Variants in RGS7 observed in about 807,000 individuals in gnomAD.
RGS7 encodes regulator of G protein signaling 7, also known as regulator of G-protein signaling 7.
A neutral mutation model predicts 81.1 loss-of-function variants in RGS7; 27 were observed. The observed-to-expected ratio is 0.33, with a 90% CI of 0.25 to 0.46. The LOEUF is 0.46. Among genes scored for constraint, RGS7 ranks in the 20% least tolerant of loss-of-function variants. The pLI, the probability that RGS7 is intolerant of heterozygous loss-of-function variation, is 1.00. For synonymous variants in RGS7, 208 were observed against 207.7 expected, an observed-to-expected ratio of 1.00 and a Z score of -0.01; for missense variants, 396 against 607.4, an observed-to-expected ratio of 0.65 and a Z score of 3.66.
chr1:241,204,554 A>G (rs1467814979), intron 2 of RGS7, among the ~76,000 whole-genome samples: 1 of 152,242 alleles, frequency 6.6e-6, no homozygotes, highest in Non-Finnish European at 1.5e-5. Context: ...AATAATTGTG[A>G]TATCTGCCAA....
intron 18 of RGS7, among the ~76,000 whole-genome samples, chr1:240,800,159 G>A (rs1000218400): frequency 2.0e-5 from 3 of 152,118 alleles, no homozygotes; most frequent in African/African-American, 4.8e-5. Context: ...GCAAAATCTT[G>A]GAGAATTGTT....
At chr1:241,234,016 C>T (rs1180375993) in intron 2 of RGS7, among the ~76,000 whole-genome samples, 2 of 152,094 alleles carry the variant, frequency 1.3e-5, no homozygotes, top group South Asian at 2.1e-4. Context: ...TTCGACAGTA[C>T]CCTGCAACCT....
intron 3 of RGS7, among the ~76,000 whole-genome samples, chr1:241,049,178 T>G (rs559601722): frequency 6.6e-6 from 1 of 152,024 alleles, no homozygotes; most frequent in South Asian, 2.1e-4. Context: ...ATATCTTTTT[T>G]GGGGACCAGT....
chr1:241,351,629 G>A (rs977607029), intron 2 of RGS7, among the ~76,000 whole-genome samples: 1 of 152,034 alleles, frequency 6.6e-6, no homozygotes, highest in Non-Finnish European at 1.5e-5. Context: ...TCAACTTTAA[G>A]TCAGGTTTGA....
Position 240,997,704 on chromosome 1 carries a change from A to G in RGS7, c.176-14575T>C, listed in dbSNP as rs185094795. ...GTCGAGAAGGGGGCACATGCCTGTA[A>G]TCCCAGCTACTCAGGAGGCTGAGGC... On this transcript the variant is annotated intron_variant, in intron 3 of 18. Transcript: ENST00000440928. Among the ~76,000 whole-genome samples the G allele has an allele frequency of 3.3e-5, 5 of 152,262 alleles. No homozygotes were observed. The East Asian group carries it at 9.7e-4, about 29-fold the overall frequency.
intron 2 of RGS7, among the ~76,000 whole-genome samples, chr1:241,284,791 C>T (rs1247118404): frequency 1.3e-5 from 2 of 152,182 alleles, no homozygotes; most frequent in African/African-American, 4.8e-5. Flanking sequence ...GGGAGTGATG[C>T]TACAGTTTTT....
intron 2 of RGS7, among the ~76,000 whole-genome samples, chr1:241,121,949 C>T (rs1206732300): frequency 6.6e-6 from 1 of 152,106 alleles, no homozygotes; most frequent in East Asian, 1.9e-4. Context: ...CGCATTTCTC[C>T]CGTCTTAGCC....
rs556177421 is a variant in RGS7, at chr1:240,958,038, CA to C, written c.227-21333del. Among the ~76,000 whole-genome samples, 7 of 152,238 alleles carry C rather than the reference CA, an allele frequency of 4.6e-5. No individual in the cohort carries two copies. In the East Asian group the frequency reaches 1.2e-3, roughly 25 times the overall value. On this transcript the variant is annotated intron_variant, in intron 4 of 18. Transcript: ENST00000440928. The stretch of plus-strand genomic sequence containing the variant: ...AGGCACTGAAAGGCAGAAGAAGGCA[CA>C]AAAAGGCCCCTAGGCATGTGGTGGC...
intron 2 of RGS7, among the ~76,000 whole-genome samples, chr1:241,167,157 C>A (rs1380920169): frequency 6.6e-6 from 1 of 152,158 alleles, no homozygotes; most frequent in Non-Finnish European, 1.5e-5. Flanking sequence ...ATGACACAGG[C>A]ATTCTGGACT....
At chr1:240,969,223 T>C (rs1682819118) in intron 4 of RGS7, among the ~76,000 whole-genome samples, 1 of 152,210 alleles carries the variant, frequency 6.6e-6, no homozygotes, top group African/African-American at 2.4e-5. Flanking sequence ...GTTGCTTATG[T>C]CTTATTTCTT....
chr1:240,789,459 A>G (rs1685605522), intron 18 of RGS7, among the ~76,000 whole-genome samples: 1 of 152,246 alleles, frequency 6.6e-6, no homozygotes, highest in Non-Finnish European at 1.5e-5. Context: ...GAACAGAGCC[A>G]TATTTCTCTT....
intron 2 of RGS7, among the ~76,000 whole-genome samples, chr1:241,299,225 T>A (rs1324200979): frequency 3.3e-5 from 5 of 152,204 alleles, no homozygotes; most frequent in Non-Finnish European, 7.3e-5. Context: ...CAAGTTTCCC[T>A]TTCTCACTCT....
intron 2 of RGS7, among the ~76,000 whole-genome samples, chr1:241,209,234 C>T (rs1187315997): frequency 6.6e-6 from 1 of 152,152 alleles, no homozygotes; most frequent in African/African-American, 2.4e-5. Context: ...ACACAGATGA[C>T]ACACTTATCT....
rs1002152466 is a variant in RGS7 at position 241,354,655 on chromosome 1, A to G, written c.78+1044T>C. Among the ~76,000 whole-genome samples the G allele has an allele frequency of 2.6e-5, 4 of 152,322 alleles. No homozygotes were observed. The Middle Eastern group carries it at 0.014, about 518-fold the overall frequency. On this transcript the variant is annotated intron_variant, in intron 2 of 18. Coordinates refer to ENST00000440928, the MANE Select transcript of RGS7 (RefSeq NM_001364886.1). ...AAGTAGCACATAGTCTTTCATCTTT[A>G]TTCATAATCAGCTCTGATCCCCTTG... is the stretch of plus-strand genomic sequence containing the variant.
chr1:241,015,432 A>G (rs1456735901), intron 3 of RGS7, among the ~76,000 whole-genome samples: 1 of 152,174 alleles, frequency 6.6e-6, no homozygotes, highest in Admixed American at 6.5e-5. Flanking sequence ...TTAAATTTGC[A>G]ATTTGTTAGT....
rs2066724860 is a variant in RGS7 at position 241,127,241 on chromosome 1, A to G, written c.79-28479T>C. 2.6e-5 allele frequency among the ~76,000 whole-genome samples: 4 copies of G among 152,316 alleles called. No homozygotes were observed. In the Middle Eastern group the frequency reaches 0.01, roughly 389 times the overall value. On this transcript the variant is annotated intron_variant, in intron 2 of 18. Coordinates refer to ENST00000440928, the MANE Select transcript of RGS7 (RefSeq NM_001364886.1). ...TAAAAAATCCTTGAAATGTTTGGGC[A>G]ATTTGTTCAGAATACATATTTTTTA...
intron 2 of RGS7, among the ~76,000 whole-genome samples, chr1:241,123,023 C>T (rs989884063): frequency 3.3e-5 from 5 of 152,158 alleles, no homozygotes; most frequent in African/African-American, 1.2e-4. Flanking sequence ...AGGGAAATTT[C>T]CTGCTCTTGT....
chr1:240,849,074 A>G (rs1001807811), intron 9 of RGS7, among the ~76,000 whole-genome samples: 2 of 152,180 alleles, frequency 1.3e-5, no homozygotes, highest in South Asian at 2.1e-4. Flanking sequence ...GCATATTTCA[A>G]TGATAATTCC....
chr1:241,215,709 T>C (rs552099005), intron 2 of RGS7, among the ~76,000 whole-genome samples: 1 of 152,168 alleles, frequency 6.6e-6, no homozygotes, highest in South Asian at 2.1e-4. Flanking sequence ...AAAAAAACAG[T>C]GTGTATCTTA....
Sources: gnomAD v4.1 joint callset for allele counts (sites outside exome capture counted in the v4.1 genomes callset) on GRCh38, gnomAD v4.1.1 for gene constraint, MANE v1.5 for transcripts, NCBI Gene and HGNC (gene_info 2026-07-23, HGNC 2026-07-21) for gene names.